TK2: variants seen among roughly 807,000 people sequenced by gnomAD.
TK2 encodes thymidine kinase 2, also known as thymidine kinase 2, mitochondrial.
A neutral mutation model predicts 41.9 loss-of-function variants in TK2; 35 were observed. The ratio of observed to expected loss-of-function variants is 0.84; its 90% CI spans 0.64 to 1.11. The LOEUF (loss-of-function observed/expected upper bound fraction) is 1.11, where lower values mean the gene tolerates loss of function less well. TK2 is among the 50% of genes least tolerant of loss of function. TK2 has a pLI of 0.00. For synonymous variants in TK2, 128 were observed against 129.1 expected (o/e 0.99, Z 0.06); for missense variants, 320 against 351.1 (o/e 0.91, Z 0.71).
At chr16:66,549,300 G>A (rs1965707567) in intron 1 of TK2, 2 of 1,214,654 alleles carry the variant, frequency 1.6e-6, no homozygotes, top group South Asian at 4.2e-5. Context: ...CAGACTGGAT[G>A]TTAAGCAAGT....
intron 5 of TK2, among the ~76,000 whole-genome samples, chr16:66,530,353 A>C (rs887765023): frequency 5.3e-5 from 8 of 152,202 alleles, no homozygotes; most frequent in Non-Finnish European, 1.2e-4. Context: ...ACAGCTTTGA[A>C]ACATAGGTGC....
chr16:66,518,393 G>A (rs887816214), intron 6 of TK2, among the ~76,000 whole-genome samples: 1 of 152,126 alleles, frequency 6.6e-6, no homozygotes. Flanking sequence ...AACTAGGGGT[G>A]GTGGCGCATG....
rs2144498587 is a variant in TK2, at chr16:66,550,065, C to T, written c.-4G>A. The T allele has an allele frequency of 6.3e-7, 1 of 1,587,276 alleles. No homozygotes were observed. Among genetic ancestry groups the T allele is most frequent in the East Asian group, 2.3e-5 (1 of 43,736 alleles). ...CCCGCAGCGGCCACAGCAGCATAGC[C>T]GGGCGAGCGGATCCAGAGGCCCGGG... On this transcript the variant is annotated 5_prime_UTR_variant, in exon 1 of 10. Coordinates refer to ENST00000544898, the MANE Select transcript of TK2 (RefSeq NM_004614.5).
intron 6 of TK2, among the ~76,000 whole-genome samples, chr16:66,519,110 C>T (rs1182617175): frequency 9.2e-5 from 14 of 151,950 alleles, no homozygotes; most frequent in African/African-American, 2.4e-4. Flanking sequence ...TACAGGCACC[C>T]GCCACCACGC....
rs1254080052 is a variant in TK2, at chr16:66,511,418, G to A, written c.*550C>T. On this transcript the variant is annotated 3_prime_UTR_variant, in exon 10 of 10. Transcript: ENST00000544898. ...CAAAGAGACATGAGAGCCTCCAACC[G>A]GAAGAGGCAGGGCGGTGGGGAACAG... 6.6e-5 allele frequency: 13 copies of A among 197,750 alleles called. No homozygotes were observed. The highest frequency in any genetic ancestry group is 3.2e-4 in the Admixed American group (6 of 18,822). The allele number at this position is 197,750 out of a possible 1,614,324, so 12.2% of individuals were successfully genotyped here. A position where few individuals can be genotyped will look rare whatever the true frequency, so the allele number is the denominator to read the frequency against.
At chr16:66,548,819 GGCCTT>G in intron 2 of TK2, 154 bp downstream of exon 2, 1 of 692,036 alleles carries the variant, frequency 1.4e-6, no homozygotes, top group African/African-American at 1.8e-5. Context: ...TAACAGAGGT[GGCCTT>G]CTAGGAGGGT....
At chr16:66,528,168 C>T (rs574037933) in intron 6 of TK2, among the ~76,000 whole-genome samples, 1 of 152,170 alleles carries the variant, frequency 6.6e-6, no homozygotes, top group Admixed American at 6.5e-5. Context: ...GGAGGAAGGG[C>T]CTCCAGCGTT....
At chr16:66,539,800 C>A (rs1433240411) in intron 3 of TK2, among the ~76,000 whole-genome samples, 1 of 152,050 alleles carries the variant, frequency 6.6e-6, no homozygotes, top group African/African-American at 2.4e-5. Flanking sequence ...GGCAAGCTGG[C>A]CTGAACCTGG....
chr16:66,529,218 C>T (rs2144401159), intron 5 of TK2, 151 bp from the exon 6 acceptor site: 1 of 773,912 alleles, frequency 1.3e-6, no homozygotes, highest in East Asian at 2.6e-5. Flanking sequence ...GACCTCCTCA[C>T]TCCCCTGCCG....
intron 2 of TK2, 111 bp from the exon 3 acceptor site, chr16:66,542,064 A>C: frequency 8.4e-7 from 1 of 1,191,084 alleles, no homozygotes. Flanking sequence ...GTTCAGTCCA[A>C]GACTTTCACA....
intron 6 of TK2, chr16:66,524,775 AACAAGATGC>A (rs1964881714): frequency 6.6e-6 from 1 of 152,262 alleles, no homozygotes; most frequent in Non-Finnish European, 1.5e-5. Flanking sequence ...TCTGCCTGTA[AACAAGATGC>A]ACAGGTGGTT....
chr16:66,537,042 C>A (rs1965306887), intron 3 of TK2, 25 bp from the exon 4 acceptor site: 5 of 1,613,744 alleles, frequency 3.1e-6, no homozygotes, highest in Non-Finnish European at 4.2e-6. Context: ...AACATCAGAG[C>A]TACTGTTTCT....
chr16:66,521,994 C>T lies in TK2; in HGVS notation c.450-4117G>A, dbSNP rs185677959. On this transcript the variant is annotated intron_variant, in intron 6 of 9. Coordinates refer to ENST00000544898, the MANE Select transcript of TK2 (RefSeq NM_004614.5). ...AAGAGCTCCCTTGTATACGTTATTTCCTTTTGTTTTCACAAGACCTTGTGA... is the reference window on the plus strand; with the variant it reads ...AAGAGCTCCCTTGTATACGTTATTTTCTTTTGTTTTCACAAGACCTTGTGA... Among the ~76,000 whole-genome samples the T allele has an allele frequency of 3.3e-5, 5 of 152,324 alleles. No individual in the cohort carries two copies. In the East Asian group the frequency reaches 9.7e-4, roughly 29 times the overall value.
chr16:66,516,834 A>C (rs1167812156), intron 8 of TK2, among the ~76,000 whole-genome samples: 1 of 150,446 alleles, frequency 6.6e-6, no homozygotes, highest in Non-Finnish European at 1.5e-5. Flanking sequence ...GAGGCAGAAC[A>C]GACAAGCCCT....
chr16:66,532,362 G>C (rs1476420791), intron 4 of TK2, among the ~76,000 whole-genome samples: 1 of 152,156 alleles, frequency 6.6e-6, no homozygotes, highest in African/African-American at 2.4e-5. Context: ...CCAGCACTTT[G>C]GGAGGTTGAG....
At position 66,543,236 on chromosome 16, in the gene TK2, C is replaced by T. The variant is rs180767014; in HGVS notation, c.157-1283G>A. On this transcript the variant is annotated intron_variant, in intron 2 of 9. Transcript: ENST00000544898. ...AATGTGCAGGCAAGGATGGGAACCACGAGGCTGGAGCAGAGCTTCTCCCTG... is the reference window on the plus strand; with the variant it reads ...AATGTGCAGGCAAGGATGGGAACCATGAGGCTGGAGCAGAGCTTCTCCCTG... Among the ~76,000 whole-genome samples the T allele has an allele frequency of 4.8e-3, 735 of 152,318 alleles. 1 individual carries two copies. The highest frequency in any genetic ancestry group is 8.9e-3 in the Non-Finnish European group (604 of 68,032).
intron 6 of TK2, among the ~76,000 whole-genome samples, chr16:66,526,926 C>A (rs1213770446): frequency 6.6e-6 from 1 of 152,196 alleles, no homozygotes; most frequent in African/African-American, 2.4e-5. Flanking sequence ...CGCTCTGTTG[C>A]CCAGGCTGGA....
chr16:66,547,101 G>A (rs1429445544), intron 2 of TK2, among the ~76,000 whole-genome samples: 3 of 152,058 alleles, frequency 2.0e-5, no homozygotes, highest in African/African-American at 7.2e-5. Context: ...AAACTTTGTT[G>A]TGATACTCAA....
intron 4 of TK2, among the ~76,000 whole-genome samples, chr16:66,535,291 G>C (rs1965241594): frequency 6.6e-6 from 1 of 152,124 alleles, no homozygotes; most frequent in African/African-American, 2.4e-5. Context: ...CATTGAAAAG[G>C]CTATCTGTAC....
Sources: allele counts gnomAD v4.1 joint callset (sites outside exome capture counted in the v4.1 genomes callset), GRCh38; gene constraint gnomAD v4.1.1; transcripts MANE v1.5; gene names NCBI Gene and HGNC (gene_info 2026-07-23, HGNC 2026-07-21).